The following FGD4 variants were observed in gnomAD, a reference collection of about 807,000 sequenced individuals.
The protein encoded by FGD4 is FYVE, RhoGEF and PH domain containing 4, also known as FYVE, RhoGEF and PH domain-containing protein 4.
Under a neutral mutation model 102.0 loss-of-function variants are expected in FGD4, and 42 were observed. The ratio of observed to expected loss-of-function variants is 0.41; its 90% CI spans 0.32 to 0.53. The LOEUF (loss-of-function observed/expected upper bound fraction) is 0.53, where lower values mean the gene tolerates loss of function less well. Among genes scored for constraint, FGD4 ranks in the 20% least tolerant of loss-of-function variants. The pLI is 0.21. For synonymous variants in FGD4, 380 were observed against 375.7 expected, an observed-to-expected ratio of 1.01 and a Z score of -0.13; for missense variants, 902 against 1,078.2, an observed-to-expected ratio of 0.84 and a Z score of 2.29.
At chr12:32,407,972 CT>C (rs1941015615) in intron 1 of FGD4, among the ~76,000 whole-genome samples, 1 of 145,536 alleles carries the variant, frequency 6.9e-6, no homozygotes, top group African/African-American at 2.6e-5. Flanking sequence ...TAATCCTAGA[CT>C]TTATTTATTT....
rs1178097967 is a variant in FGD4, at chr12:32,645,595, C to T, written c.*5062C>T. 6.6e-6 allele frequency: 1 copy of T among 152,188 alleles called. No individual in the cohort carries two copies. Among genetic ancestry groups the T allele is most frequent in the African/African-American group, 2.4e-5 (1 of 41,420 alleles). The allele number at this position is 152,188 out of a possible 1,614,324, so 9.4% of individuals were successfully genotyped here. ...GACCAGCCTGGCCAACATGGCAAAA[C>T]CCTGTCTCTACAAAAATTAGCCAGG... is the stretch of plus-strand genomic sequence containing the variant. On this transcript the variant is annotated 3_prime_UTR_variant, in exon 17 of 17. Coordinates refer to ENST00000534526, the MANE Select transcript of FGD4 (RefSeq NM_001370298.3).
chr12:32,483,338 G>T (rs1943812915), intron 1 of FGD4, among the ~76,000 whole-genome samples: 1 of 152,032 alleles, frequency 6.6e-6, no homozygotes, highest in Non-Finnish European at 1.5e-5. Flanking sequence ...CACATCTATG[G>T]GTGCAATTTT....
chr12:32,471,478 G>C (rs1055962397), intron 1 of FGD4, among the ~76,000 whole-genome samples: 1 of 152,156 alleles, frequency 6.6e-6, no homozygotes, highest in Non-Finnish European at 1.5e-5. Flanking sequence ...TTGATCATAG[G>C]TATAATGCAT....
chr12:32,408,884 C>A (rs182249797), intron 1 of FGD4, among the ~76,000 whole-genome samples: 110 of 152,130 alleles, frequency 7.2e-4, no homozygotes, highest in Non-Finnish European at 1.4e-3. Context: ...CTTCAACTTT[C>A]TTCCTCTGGC....
chr12:32,633,223 G>T (rs1325790275), intron 14 of FGD4, among the ~76,000 whole-genome samples: 6 of 39,056 alleles, frequency 1.5e-4, no homozygotes, highest in South Asian at 1.1e-3. Flanking sequence ...GTTGGGAGGA[G>T]GGGGTGGGAT....
chr12:32,486,588 G>T (rs1043587741), intron 1 of FGD4, among the ~76,000 whole-genome samples: 1 of 151,910 alleles, frequency 6.6e-6, no homozygotes, highest in African/African-American at 2.4e-5. Context: ...AAACTTATTT[G>T]TGCACCTAAT....
intron 5 of FGD4, among the ~76,000 whole-genome samples, chr12:32,600,786 T>A (rs1350361602): frequency 2.0e-5 from 3 of 152,112 alleles, no homozygotes; most frequent in Non-Finnish European, 4.4e-5. Context: ...AACTAAATCA[T>A]GATGTTCCCC....
chr12:32,575,781 G>A (rs1946079182), intron 2 of FGD4, among the ~76,000 whole-genome samples: 1 of 152,216 alleles, frequency 6.6e-6, no homozygotes, highest in African/African-American at 2.4e-5. Flanking sequence ...ATGCAACATT[G>A]TATTACTGTT....
chr12:32,570,993 A>T (rs1193900709), intron 2 of FGD4, among the ~76,000 whole-genome samples: 3 of 152,146 alleles, frequency 2.0e-5, no homozygotes, highest in Non-Finnish European at 4.4e-5. Flanking sequence ...CATATATGTT[A>T]ATCTTGTGCA....
intron 1 of FGD4, among the ~76,000 whole-genome samples, chr12:32,531,036 C>T (rs2136834225): frequency 7.3e-6 from 1 of 137,722 alleles, no homozygotes; most frequent in Admixed American, 8.1e-5. Context: ...ACTGCAACCT[C>T]TGCCTTTTGG....
At chr12:32,519,883 G>A (rs1940320707) in intron 1 of FGD4, among the ~76,000 whole-genome samples, 1 of 152,160 alleles carries the variant, frequency 6.6e-6, no homozygotes, top group African/African-American at 2.4e-5. Flanking sequence ...GGAGGCAGAG[G>A]CTACAGTGAG....
At chr12:32,498,742 A>T (rs939522791) in intron 1 of FGD4, among the ~76,000 whole-genome samples, 1 of 152,104 alleles carries the variant, frequency 6.6e-6, no homozygotes, top group Non-Finnish European at 1.5e-5. Flanking sequence ...TACTTGGACC[A>T]CAGGCGCACA....
chr12:32,497,465 C>T (rs1469145960), intron 1 of FGD4, among the ~76,000 whole-genome samples: 1 of 152,092 alleles, frequency 6.6e-6, no homozygotes, highest in African/African-American at 2.4e-5. Flanking sequence ...GGAGATACCA[C>T]CTCTTTATAG....
At chr12:32,497,794 G>T (rs899517285) in intron 1 of FGD4, among the ~76,000 whole-genome samples, 2 of 152,140 alleles carry the variant, frequency 1.3e-5, no homozygotes, top group Non-Finnish European at 2.9e-5. Context: ...CCTCCTGCTC[G>T]AGCCTTTCAG....
At chr12:32,621,293 A>G (rs1379890188) in intron 11 of FGD4, among the ~76,000 whole-genome samples, 2 of 152,176 alleles carry the variant, frequency 1.3e-5, no homozygotes, top group Non-Finnish European at 2.9e-5. Flanking sequence ...GTCTCAAAAA[A>G]TAATAACAAT....
intron 4 of FGD4, among the ~76,000 whole-genome samples, chr12:32,596,785 A>AT (rs1947926597): frequency 6.6e-6 from 1 of 151,948 alleles, no homozygotes. Context: ...AAAATACAAA[A>AT]TTAGCCGGCC....
intron 4 of FGD4, among the ~76,000 whole-genome samples, chr12:32,585,562 G>A (rs564921316): frequency 3.1e-4 from 47 of 152,030 alleles, no homozygotes; most frequent in Middle Eastern, 6.8e-3. Flanking sequence ...TGGGCCAGGT[G>A]CAGTGGCTCA....
intron 15 of FGD4, among the ~76,000 whole-genome samples, chr12:32,635,677 A>AT (rs150228689): frequency 5.3e-5 from 8 of 151,520 alleles, no homozygotes; most frequent in East Asian, 1.9e-4. Context: ...AATTTCCACA[A>AT]TTTTTTTTTA....
chr12:32,499,969 G>C (rs1185689892), intron 1 of FGD4, among the ~76,000 whole-genome samples: 1 of 152,248 alleles, frequency 6.6e-6, no homozygotes, highest in Non-Finnish European at 1.5e-5. Context: ...AGTGAGCCAA[G>C]ATCGTGAGCA....
Sources: allele counts gnomAD v4.1 joint callset (sites outside exome capture counted in the v4.1 genomes callset), GRCh38; gene constraint gnomAD v4.1.1; transcripts MANE v1.5; gene names NCBI Gene and HGNC (gene_info 2026-07-23, HGNC 2026-07-21).